Variants in MKLN1 observed in about 807,000 individuals in gnomAD.
MKLN1 encodes the protein muskelin 1.
A neutral mutation model predicts 99.0 loss-of-function variants in MKLN1; 18 were observed. The observed-to-expected ratio is 0.18, with a 90% CI of 0.13 to 0.27. The LOEUF (loss-of-function observed/expected upper bound fraction) is 0.27. MKLN1 is among the 10% of genes least tolerant of loss of function. The pLI, the probability that MKLN1 is intolerant of heterozygous loss-of-function variation, is 1.00. For missense variants in MKLN1, 621 were observed against 875.9 expected (o/e 0.71, Z 3.67); for synonymous variants, 288 against 293.2 (o/e 0.98, Z 0.18).
At chr7:131,454,227 GA>G (rs1238946239) in intron 12 of MKLN1, among the ~76,000 whole-genome samples, 1 of 152,092 alleles carries the variant, frequency 6.6e-6, no homozygotes, top group Non-Finnish European at 1.5e-5. Flanking sequence ...TATGCAAGGA[GA>G]AAAAATCTGA....
In MKLN1 at chr7:131,380,231, C is replaced by T. The variant is rs1363118897; in HGVS notation, c.168+4738C>T. ...CAATAGACCTACAGTAGAAGATATA[C>T]TTTTTTAGGAAGCTGATACCCTAGG... On this transcript the variant is annotated intron_variant, in intron 2 of 17. Transcript: ENST00000352689. Among the ~76,000 whole-genome samples, 6 of 152,188 alleles carry T rather than the reference C, an allele frequency of 3.9e-5. No individual in the cohort carries two copies. The South Asian group carries it at 1.0e-3, about 26-fold the overall frequency.
rs1044656639 is a variant in MKLN1, at chr7:131,202,535, G to T, written c.-296-322G>T. ...CAGGACAACAGGCCTGAGCCACCGC[G>T]GCTCCCTGGCACTGACATTTTAGAC... On this transcript the variant is annotated intron_variant, in intron 2 of 7. Coordinates refer to the MKLN1 transcript ENST00000416992. Among the ~76,000 whole-genome samples the T allele has an allele frequency of 3.9e-5, 6 of 152,236 alleles. 1 individual carries two copies. The highest frequency in any genetic ancestry group is 1.4e-4 in the African/African-American group (6 of 41,538).
At chr7:131,313,721 T>C (rs1798612012) in intron 3 of MKLN1, among the ~76,000 whole-genome samples, 1 of 152,232 alleles carries the variant, frequency 6.6e-6, no homozygotes, top group Admixed American at 6.5e-5. Flanking sequence ...GGAGACCTAT[T>C]TCACTTAGAT....
chr7:131,491,106 A>C lies in MKLN1; in HGVS notation c.*3378A>C, dbSNP rs543131969. The C allele has an allele frequency of 2.6e-4, 39 of 152,246 alleles. No homozygotes were observed. The highest frequency in any genetic ancestry group is 9.1e-4 in the African/African-American group (38 of 41,568). 9.4% of individuals were successfully genotyped at this position (152,246 alleles called of 1,614,324 possible). ...GTGGGTCATTTATTTCCTGAAAGTCACGTGAAATCCTTAGCTGGTTGAATG... is the reference window on the plus strand; with the variant it reads ...GTGGGTCATTTATTTCCTGAAAGTCCCGTGAAATCCTTAGCTGGTTGAATG... On this transcript the variant is annotated 3_prime_UTR_variant, in exon 18 of 18. Transcript: ENST00000352689.
At chr7:131,161,961 GTGTATATATATATATA>G (rs1403502429) in intron 2 of MKLN1, among the ~76,000 whole-genome samples, 9,138 of 81,042 alleles carry the variant, frequency 0.11, 366 homozygotes, top group African/African-American at 0.18. Context: ...GTGTGTGTGT[GTGTATATATATATATA>G]TATATATATA....
At chr7:131,166,019 A>T (rs1796118161) in intron 2 of MKLN1, among the ~76,000 whole-genome samples, 1 of 152,000 alleles carries the variant, frequency 6.6e-6, no homozygotes, top group Non-Finnish European at 1.5e-5. Context: ...GGAGGCTGAG[A>T]TGGGAGGACT....
intron 2 of MKLN1, among the ~76,000 whole-genome samples, chr7:131,190,365 A>G (rs1796516796): frequency 6.6e-6 from 1 of 152,012 alleles, no homozygotes; most frequent in Non-Finnish European, 1.5e-5. Context: ...TTGATGTCTT[A>G]GAGAAGCAGA....
chr7:131,417,357 TTTCTTTTA>T (rs1354810938), intron 8 of MKLN1, among the ~76,000 whole-genome samples: 1 of 152,252 alleles, frequency 6.6e-6, no homozygotes, highest in Admixed American at 6.5e-5. Flanking sequence ...GCTTTCTTTT[TTTCTTTTA>T]TTCGTTATGA....
intron 2 of MKLN1, among the ~76,000 whole-genome samples, chr7:131,150,666 C>A (rs1012182754): frequency 1.4e-4 from 21 of 151,750 alleles, no homozygotes; most frequent in South Asian, 2.1e-4. Flanking sequence ...ACAGATGGAC[C>A]CAAATCAAAA....
intron 1 of MKLN1, among the ~76,000 whole-genome samples, chr7:131,117,259 G>A (rs534873096): frequency 4.6e-5 from 7 of 151,822 alleles, no homozygotes; most frequent in South Asian, 4.2e-4. Context: ...GTGAAACCTC[G>A]TCTCTACTAA....
chr7:131,441,957 T>C (rs1795852694), intron 10 of MKLN1, among the ~76,000 whole-genome samples: 1 of 152,340 alleles, frequency 6.6e-6, no homozygotes, highest in African/African-American at 2.4e-5. Context: ...GTGACCCAGC[T>C]CCAGTGGAGC....
intron 1 of MKLN1, among the ~76,000 whole-genome samples, chr7:131,352,047 C>G (rs996019407): frequency 6.6e-6 from 1 of 152,260 alleles, no homozygotes; most frequent in Admixed American, 6.5e-5. Flanking sequence ...TAATTCTTTC[C>G]TTTTAATCAC....
intron 3 of MKLN1, among the ~76,000 whole-genome samples, chr7:131,214,578 G>A (rs562092480): frequency 2.6e-5 from 4 of 152,292 alleles, no homozygotes; most frequent in Admixed American, 2.6e-4. Context: ...TGCTGTTGAA[G>A]TAACCAATAT....
intron 1 of MKLN1, among the ~76,000 whole-genome samples, chr7:131,328,502 T>G (rs1186808376): frequency 6.6e-6 from 1 of 152,036 alleles, no homozygotes; most frequent in Middle Eastern, 3.2e-3. Flanking sequence ...TCTAGAGTAG[T>G]GTTAAAAGTC....
In MKLN1 at chr7:131,161,963, G is replaced by GTATATA. The variant is rs71168374; in HGVS notation, c.-297+19054_-297+19059dup. Among the ~76,000 whole-genome samples, 102 of 109,258 alleles carry GTATATA rather than the reference G, an allele frequency of 9.3e-4. 1 individual carries two copies. Among genetic ancestry groups the GTATATA allele is most frequent in the Non-Finnish European group, 1.4e-3 (75 of 53,836 alleles). 71.7% of individuals were successfully genotyped at this position (109,258 alleles called of 152,430 possible). On this transcript the variant is annotated intron_variant, in intron 2 of 7. Transcript: ENST00000416992. The stretch of plus-strand genomic sequence containing the variant: ...CACATATATATACGTGTGTGTGTGT[G>GTATATA]TATATATATATATATATATATATAT...
intron 1 of MKLN1, among the ~76,000 whole-genome samples, chr7:131,127,408 A>G (rs1471204461): frequency 6.6e-6 from 1 of 152,270 alleles, no homozygotes; most frequent in South Asian, 2.1e-4. Flanking sequence ...GAAGAACAGG[A>G]GTGCAGCAAA....
At chr7:131,283,547 A>G (rs1584889851) in intron 3 of MKLN1, among the ~76,000 whole-genome samples, 1 of 145,528 alleles carries the variant, frequency 6.9e-6, no homozygotes, top group Non-Finnish European at 1.5e-5. Flanking sequence ...TGATCCTCCC[A>G]CCTCAGCCTC....
intron 1 of MKLN1, among the ~76,000 whole-genome samples, chr7:131,364,462 A>G (rs1296218003): frequency 6.7e-6 from 1 of 150,176 alleles, no homozygotes; most frequent in African/African-American, 2.4e-5. Context: ...ATGTATAAGG[A>G]CTTTGGTTTT....
At chr7:131,355,628 C>CTATATATATA (rs58377694) in intron 1 of MKLN1, among the ~76,000 whole-genome samples, 64 of 136,912 alleles carry the variant, frequency 4.7e-4, no homozygotes, top group Middle Eastern at 3.8e-3. Flanking sequence ...TAACTTGATA[C>CTATATATATA]TATATATATA....
Sources: allele counts gnomAD v4.1 joint callset (sites outside exome capture counted in the v4.1 genomes callset), GRCh38; gene constraint gnomAD v4.1.1; transcripts MANE v1.5; gene names NCBI Gene and HGNC (gene_info 2026-07-23, HGNC 2026-07-21).